The following MAGI3 variants were observed in gnomAD, a reference collection of about 807,000 sequenced individuals.
MAGI3 encodes membrane associated guanylate kinase, WW and PDZ domain containing 3.
Under a neutral mutation model 121.8 loss-of-function variants are expected in MAGI3, and 43 were observed. The observed-to-expected ratio is 0.35, with a 90% CI of 0.28 to 0.46. The LOEUF (loss-of-function observed/expected upper bound fraction) is 0.46, where lower values mean the gene tolerates loss of function less well. Among genes scored for constraint, MAGI3 ranks in the 20% least tolerant of loss-of-function variants. The pLI is 1.00. For synonymous variants in MAGI3, 553 were observed against 639.3 expected (o/e 0.86, Z 2.04); for missense variants, 1,547 against 1,797.3 (o/e 0.86, Z 2.52).
At chr1:113,533,198 T>C (rs1388774063) in intron 1 of MAGI3, among the ~76,000 whole-genome samples, 1 of 152,122 alleles carries the variant, frequency 6.6e-6, no homozygotes, top group Non-Finnish European at 1.5e-5. Context: ...CGTGTCTCTC[T>C]GAAGAAAAAA....
At chr1:113,597,510 T>G (rs1398381285) in intron 6 of MAGI3, among the ~76,000 whole-genome samples, 2 of 152,196 alleles carry the variant, frequency 1.3e-5, no homozygotes, top group East Asian at 3.9e-4. Context: ...AAAGGACTTA[T>G]GCACTTCACA....
chr1:113,399,349 A>G lies in MAGI3; in HGVS notation c.316+8000A>G, dbSNP rs113978861. ...ACCCTTGCAGCTGGGTATAAATAGC[A>G]TAATATGATTAATAACTGTAGCAGA... On this transcript the variant is annotated intron_variant, in intron 1 of 20. Transcript: ENST00000307546. Among the ~76,000 whole-genome samples the G allele has an allele frequency of 6.0e-3, 913 of 152,280 alleles. 10 individuals carry two copies. The highest frequency in any genetic ancestry group is 0.02 in the Middle Eastern group (6 of 294).
chr1:113,559,657 T>C (rs1348464199), intron 2 of MAGI3, among the ~76,000 whole-genome samples: 2 of 151,776 alleles, frequency 1.3e-5, no homozygotes, highest in East Asian at 3.9e-4. Flanking sequence ...AGCCTCCGCC[T>C]CCTGGATTCA....
In MAGI3 at chr1:113,659,109, G is replaced by A. The variant is rs1486959262; in HGVS notation, c.2659G>A (p.Glu887Lys). 6.2e-7 allele frequency: 1 copy of A among 1,613,076 alleles called. No individual in the cohort carries two copies. Among genetic ancestry groups the A allele is most frequent in the African/African-American group, 1.3e-5 (1 of 74,964 alleles). The change falls in exon 16 of 21, where the codon GAA (glutamate) becomes AAA (lysine). Residue 887 changes from glutamate to lysine, a missense_variant. Glu to Lys is a moderately conservative substitution (Grantham distance 56, BLOSUM62 1). Transcript: ENST00000307546. ...TCCTCATAAAATTGGCCGAGTCATAGAAGGAAGTCCGGCTGACCGCTGTGG... is the reference window on the plus strand; with the variant it reads ...TCCTCATAAAATTGGCCGAGTCATAAAAGGAAGTCCGGCTGACCGCTGTGG... Reference protein sequence around the residue: ...VIPHKIGRVIEGSPADRCGKL... With the variant: ...VIPHKIGRVIKGSPADRCGKL...
intron 12 of MAGI3, among the ~76,000 whole-genome samples, chr1:113,648,255 G>A (rs944862411): frequency 2.0e-5 from 3 of 152,060 alleles, no homozygotes; most frequent in African/African-American, 7.2e-5. Context: ...TGCTTCTATA[G>A]AATATTATCA....
intron 1 of MAGI3, among the ~76,000 whole-genome samples, chr1:113,531,265 T>G (rs1330279711): frequency 1.3e-5 from 2 of 152,226 alleles, no homozygotes; most frequent in African/African-American, 4.8e-5. Flanking sequence ...GAACAATTAT[T>G]TAGAATTTAG....
At chr1:113,451,450 A>G (rs1215142943) in intron 1 of MAGI3, among the ~76,000 whole-genome samples, 1 of 152,208 alleles carries the variant, frequency 6.6e-6, no homozygotes. Flanking sequence ...ACAATATTAT[A>G]TATTTTAAAA....
chr1:113,636,978 T>A (rs1432372420), intron 9 of MAGI3, among the ~76,000 whole-genome samples: 1 of 152,234 alleles, frequency 6.6e-6, no homozygotes, highest in Non-Finnish European at 1.5e-5. Flanking sequence ...TTTACCATTA[T>A]GTAATGGCCT....
chr1:113,655,386 T>C (rs1012166226), intron 15 of MAGI3, among the ~76,000 whole-genome samples: 3 of 152,128 alleles, frequency 2.0e-5, no homozygotes, highest in Non-Finnish European at 2.9e-5. Flanking sequence ...GAAAGTCTAG[T>C]GTTCACTATA....
At chr1:113,456,822 A>G (rs912656763) in intron 1 of MAGI3, among the ~76,000 whole-genome samples, 3 of 151,990 alleles carry the variant, frequency 2.0e-5, no homozygotes, top group African/African-American at 7.2e-5. Flanking sequence ...CTATGAAAAT[A>G]GGATAAAATA....
intron 1 of MAGI3, among the ~76,000 whole-genome samples, chr1:113,423,139 G>C (rs961707947): frequency 6.6e-6 from 1 of 152,038 alleles, no homozygotes; most frequent in East Asian, 1.9e-4. Context: ...ACTAGAGGAT[G>C]AGCAAGGCAG....
intron 1 of MAGI3, among the ~76,000 whole-genome samples, chr1:113,416,331 T>C (rs186556558): frequency 0.092 from 6,753 of 73,266 alleles, 1,228 homozygotes; most frequent in Middle Eastern, 0.14. Flanking sequence ...ATTAATTATA[T>C]ATCAATCATA....
At chr1:113,618,631 G>C in intron 7 of MAGI3, 1 of 375,080 alleles carries the variant, frequency 2.7e-6, no homozygotes, top group South Asian at 2.0e-5. Context: ...TCAGCTTCCT[G>C]AGTAGCTGGG....
chr1:113,646,558 C>T lies in MAGI3; in HGVS notation c.2071C>T (p.Pro691Ser), dbSNP rs200188028. The change falls in exon 12 of 21, where the codon CCA becomes TCA. Residue 691 changes from proline (P) to serine (S), a missense_variant. Pro to Ser is a moderately conservative substitution (Grantham distance 74, BLOSUM62 -1). Coordinates refer to ENST00000307546, the MANE Select transcript of MAGI3 (RefSeq NM_001142782.2). The part of the protein sequence containing the change: ...NEPIPQPMPF[P>S]PSIIRSGSPK... ...GCCTATTCCTCAGCCTATGCCTTTTCCACCGAGCATTATCAGGTCAGGATC... is the reference window on the plus strand; with the variant it reads ...GCCTATTCCTCAGCCTATGCCTTTTTCACCGAGCATTATCAGGTCAGGATC... 25 of 1,613,536 alleles carry T rather than the reference C, an allele frequency of 1.5e-5. No individual in the cohort carries two copies. In the East Asian group the frequency reaches 5.4e-4, roughly 35 times the overall value.
chr1:113,573,897 T>C lies in MAGI3; in HGVS notation c.434-6645T>C, dbSNP rs566267326. On this transcript the variant is annotated intron_variant, in intron 2 of 20. Transcript: ENST00000307546. ...GCTCCTGTATTGGGTGCATACATAT[T>C]TGGGATAGTTAGCTCTTGTTGCATG... 2.5e-4 allele frequency among the ~76,000 whole-genome samples: 38 copies of C among 152,356 alleles called. 1 individual carries two copies. The South Asian group carries it at 6.6e-3, about 27-fold the overall frequency.
intron 1 of MAGI3, among the ~76,000 whole-genome samples, chr1:113,415,023 A>G (rs1420384065): frequency 6.6e-6 from 1 of 152,086 alleles, no homozygotes; most frequent in Non-Finnish European, 1.5e-5. Flanking sequence ...TACAAGTTTC[A>G]CAGTATTTGT....
intron 6 of MAGI3, among the ~76,000 whole-genome samples, chr1:113,605,037 C>T (rs1649669806): frequency 6.6e-6 from 1 of 150,578 alleles, no homozygotes; most frequent in Non-Finnish European, 1.5e-5. Context: ...ACTGACAATA[C>T]CAAAGATTAA....
chr1:113,593,622 C>G (rs1346744887), intron 5 of MAGI3, among the ~76,000 whole-genome samples: 2 of 152,092 alleles, frequency 1.3e-5, no homozygotes, highest in African/African-American at 2.4e-5. Flanking sequence ...ATGACTTTTT[C>G]TTTCTTTAAT....
At position 113,679,709 on chromosome 1, in the gene MAGI3, A is replaced by ATTTTTTT. The variant is rs34782120; in HGVS notation, c.3190-1480_3190-1474dup. ...TTTATGTTTATTTTCCTGAAAAATG[A>ATTTTTTT]TTTTTTTTTTTTTTTGAGACGGAGT... On this transcript the variant is annotated intron_variant, in intron 19 of 20. Coordinates refer to ENST00000307546, the MANE Select transcript of MAGI3 (RefSeq NM_001142782.2). Among the ~76,000 whole-genome samples, 2 of 144,566 alleles carry ATTTTTTT rather than the reference A, an allele frequency of 1.4e-5. 1 individual carries two copies. The allele number at this position is 144,566 out of a possible 152,430, so 94.8% of individuals were successfully genotyped here.
Sources: allele counts gnomAD v4.1 joint callset (sites outside exome capture counted in the v4.1 genomes callset), GRCh38; gene constraint gnomAD v4.1.1; transcripts MANE v1.5; gene names NCBI Gene and HGNC (gene_info 2026-07-23, HGNC 2026-07-21).